RGS6: variants seen among roughly 807,000 people sequenced by gnomAD.
RGS6 encodes the protein regulator of G-protein signaling 6.
Under a neutral mutation model 78.5 loss-of-function variants are expected in RGS6, and 30 were observed. The observed-to-expected ratio is 0.38, with a 90% CI of 0.29 to 0.52. The LOEUF (loss-of-function observed/expected upper bound fraction) is 0.52, where lower values mean the gene tolerates loss of function less well. Among genes scored for constraint, RGS6 ranks in the 20% least tolerant of loss-of-function variants. The pLI, the probability that RGS6 is intolerant of heterozygous loss-of-function variation, is 0.85. For synonymous variants in RGS6, 206 were observed against 206.0 expected, an observed-to-expected ratio of 1.00 and a Z score of 0.00; for missense variants, 495 against 609.7, an observed-to-expected ratio of 0.81 and a Z score of 1.98.
At chr14:72,086,009 G>C (rs2332752) in intron 2 of RGS6, among the ~76,000 whole-genome samples, 136,649 of 152,116 alleles carry the variant, frequency 0.9, 61,447 homozygotes, top group Admixed American at 0.93. Flanking sequence ...TTTTTTTCCT[G>C]TCCTCTTCTT....
chr14:72,320,290 A>C (rs1398087985), intron 2 of RGS6, among the ~76,000 whole-genome samples: 1 of 152,192 alleles, frequency 6.6e-6, no homozygotes, highest in Non-Finnish European at 1.5e-5. Context: ...TTCTTTAAAA[A>C]ACTATTGGCT....
chr14:72,453,777 C>T (rs188096036), intron 3 of RGS6, among the ~76,000 whole-genome samples: 12 of 152,090 alleles, frequency 7.9e-5, no homozygotes, highest in Admixed American at 3.9e-4. Context: ...CCCACATGGG[C>T]GTAATGTCCA....
intron 17 of RGS6, chr14:72,553,466 C>T (rs549907980): frequency 2.0e-5 from 3 of 152,464 alleles, no homozygotes; most frequent in Non-Finnish European, 4.4e-5. Context: ...TCGTCTCTGC[C>T]CACCACTCCT....
At chr14:72,431,740 C>T (rs1597422320) in intron 3 of RGS6, among the ~76,000 whole-genome samples, 3 of 152,090 alleles carry the variant, frequency 2.0e-5, no homozygotes, top group Admixed American at 2.0e-4. Context: ...GGTCCCTGCA[C>T]CCATCACCAG....
At chr14:72,598,907 C>T in the RGS6 span, among the ~76,000 whole-genome samples, 9 of 152,330 alleles carry the variant, frequency 5.9e-5, no homozygotes, top group East Asian at 1.2e-3. Context: ...ACCAGGCAAT[C>T]GGTCTGGGCA....
the RGS6 span, among the ~76,000 whole-genome samples, chr14:72,621,552 C>G: frequency 6.6e-6 from 1 of 152,154 alleles, no homozygotes; most frequent in Non-Finnish European, 1.5e-5. Context: ...AGTGGGGCAA[C>G]AGGAAAGCTT....
At chr14:72,482,770 G>T (rs939590983) in intron 12 of RGS6, among the ~76,000 whole-genome samples, 2 of 152,222 alleles carry the variant, frequency 1.3e-5, no homozygotes, top group African/African-American at 4.8e-5. Context: ...CTGGCATTCT[G>T]TCGCTTCTGT....
intron 2 of RGS6, among the ~76,000 whole-genome samples, chr14:72,179,885 C>T (rs1281568309): frequency 6.6e-6 from 1 of 152,128 alleles, no homozygotes; most frequent in Non-Finnish European, 1.5e-5. Flanking sequence ...AATGAGCCTA[C>T]CAGATGATTC....
At chr14:72,353,561 C>T (rs1256857754) in intron 3 of RGS6, among the ~76,000 whole-genome samples, 1 of 152,192 alleles carries the variant, frequency 6.6e-6, no homozygotes, top group Non-Finnish European at 1.5e-5. Context: ...CAGCAACTGG[C>T]ATTTGCAGGG....
intron 2 of RGS6, among the ~76,000 whole-genome samples, chr14:72,231,613 G>A (rs552810940): frequency 6.6e-6 from 1 of 152,190 alleles, no homozygotes; most frequent in Non-Finnish European, 1.5e-5. Context: ...GAATAGTAAA[G>A]CCAAGTTAGG....
chr14:72,539,234 C>T (rs964939615), intron 16 of RGS6, among the ~76,000 whole-genome samples: 16 of 152,206 alleles, frequency 1.1e-4, no homozygotes, highest in African/African-American at 3.9e-4. Flanking sequence ...CGCTCCTGTT[C>T]TGGGAACCCC....
At chr14:72,232,277 G>C (rs2049841024) in intron 2 of RGS6, among the ~76,000 whole-genome samples, 1 of 152,190 alleles carries the variant, frequency 6.6e-6, no homozygotes, top group Non-Finnish European at 1.5e-5. Flanking sequence ...TGGGCATGGG[G>C]AGAAGAACTC....
At chr14:72,625,413 G>A in the RGS6 span, among the ~76,000 whole-genome samples, 18 of 151,912 alleles carry the variant, frequency 1.2e-4, no homozygotes, top group Non-Finnish European at 1.8e-4. Flanking sequence ...TCCTCTAGAC[G>A]CATGAAAATA....
At position 72,291,812 on chromosome 14, in the gene RGS6, C is replaced by A. The variant is rs141041931; in HGVS notation, c.85-60283C>A. Among the ~76,000 whole-genome samples, 30 of 152,218 alleles carry A rather than the reference C, an allele frequency of 2.0e-4. 1 individual carries two copies. In the East Asian group the frequency reaches 5.8e-3, roughly 29 times the overall value. On this transcript the variant is annotated intron_variant, in intron 2 of 17. Transcript: ENST00000553525. ...CGAGCACGTCAGTATAGTTACCGAG[C>A]GTACTTGTGTACTGGGCAAAGTACT...
At chr14:72,157,715 T>C (rs1192424350) in intron 2 of RGS6, among the ~76,000 whole-genome samples, 1 of 152,170 alleles carries the variant, frequency 6.6e-6, no homozygotes, top group East Asian at 1.9e-4. Flanking sequence ...AAAATGCACT[T>C]GGCAGTCATG....
intron 2 of RGS6, among the ~76,000 whole-genome samples, chr14:72,000,599 A>G (rs1248059064): frequency 6.6e-6 from 1 of 152,160 alleles, no homozygotes; most frequent in Non-Finnish European, 1.5e-5. Context: ...CAGGAGACAA[A>G]GGTATTCCAG....
the RGS6 span, among the ~76,000 whole-genome samples, chr14:71,894,335 TC>T: frequency 6.6e-6 from 1 of 152,170 alleles, no homozygotes; most frequent in Non-Finnish European, 1.5e-5. Context: ...ACAAAGACAT[TC>T]CTAATTTTGC....
chr14:72,078,608 G>C (rs996032492), intron 2 of RGS6, among the ~76,000 whole-genome samples: 1 of 152,024 alleles, frequency 6.6e-6, no homozygotes, highest in African/African-American at 2.4e-5. Context: ...TAGAGACGGG[G>C]TTTCACTATA....
At chr14:72,271,939 CCTT>C (rs1006787273) in intron 2 of RGS6, among the ~76,000 whole-genome samples, 6 of 130,494 alleles carry the variant, frequency 4.6e-5, no homozygotes, top group Non-Finnish European at 8.0e-5. Flanking sequence ...TTTTTTTTTG[CCTT>C]CTTCTTCCAC....
Sources: allele counts gnomAD v4.1 joint callset (sites outside exome capture counted in the v4.1 genomes callset), GRCh38; gene constraint gnomAD v4.1.1; transcripts MANE v1.5; gene names NCBI Gene and HGNC (gene_info 2026-07-23, HGNC 2026-07-21).